The following CGRRF1 variants were observed in gnomAD, a reference collection of about 807,000 sequenced individuals.
CGRRF1 encodes cell growth regulator with ring finger domain 1, also known as cell growth regulator with RING finger domain protein 1.
In CGRRF1, 32 loss-of-function variants were observed where a neutral mutation model predicts 37.2. That is an observed-to-expected ratio of 0.86 (90% CI 0.65 to 1.16). The LOEUF (loss-of-function observed/expected upper bound fraction) is 1.16. Among genes scored for constraint, CGRRF1 ranks in the 50% most tolerant of loss-of-function variants. The pLI is 0.00. For missense variants in CGRRF1, 391 were observed against 382.6 expected, an observed-to-expected ratio of 1.02 and a Z score of -0.18; for synonymous variants, 141 against 140.3, an observed-to-expected ratio of 1.00 and a Z score of -0.04.
In CGRRF1 at chr14:54,530,098, C is replaced by G; in HGVS notation, c.294C>G (p.Cys98Trp). 3 of 1,613,520 alleles carry G rather than the reference C, an allele frequency of 1.9e-6. No homozygotes were observed. The highest frequency in any genetic ancestry group is 1.7e-6 in the Non-Finnish European group (2 of 1,179,564). Residue 98 changes from cysteine (C) to tryptophan (W), a missense_variant, in exon 3 of 6, where the codon TGC becomes TGG. Transcript: ENST00000216420. Reference sequence around the variant, plus strand: ...GCCTTGAAGATAGCCTCCTTACATGCTACTGGGGGTGCAGTGTTCAAAAAT... The same window carrying G: ...GCCTTGAAGATAGCCTCCTTACATGGTACTGGGGGTGCAGTGTTCAAAAAT... Reference protein sequence around the residue: ...TDCLEDSLLTCYWGCSVQKLY... With the variant: ...TDCLEDSLLTWYWGCSVQKLY...
chr14:54,518,928 GTTGTT>G (rs557229779), intron 1 of CGRRF1, among the ~76,000 whole-genome samples: 85 of 152,070 alleles, frequency 5.6e-4, no homozygotes, highest in African/African-American at 1.6e-3. Flanking sequence ...CTAGGTTTTT[GTTGTT>G]TTGTTTTGTT....
intron 4 of CGRRF1, among the ~76,000 whole-genome samples, chr14:54,532,197 G>A (rs2032527486): frequency 1.3e-5 from 2 of 152,090 alleles, no homozygotes; most frequent in East Asian, 1.9e-4. Context: ...TGTACATTGA[G>A]CTTTGGAAGG....
At chr14:54,527,755 C>CTTTT (rs374964366) in intron 2 of CGRRF1, among the ~76,000 whole-genome samples, 1 of 142,346 alleles carries the variant, frequency 7.0e-6, no homozygotes. Flanking sequence ...TTCCATTGTT[C>CTTTT]TTTTTTTTTT....
Position 54,538,262 on chromosome 14 carries a change from G to T in CGRRF1, c.878G>T (p.Cys293Phe). The change falls in exon 6 of 6, where the codon TGC (cysteine) becomes TTC (phenylalanine). Residue 293 changes from cysteine (C) to phenylalanine (F), a missense_variant. Physicochemically the swap from Cys to Phe is radical, Grantham distance 205 (BLOSUM62 -2). Transcript: ENST00000216420. Reference sequence around the variant, plus strand: ...GTACTCTTACCATGCAGACACACATGCCTGTGTGATGGCTGTGTGAAGTAT... The same window carrying T: ...GTACTCTTACCATGCAGACACACATTCCTGTGTGATGGCTGTGTGAAGTAT... ...NWVLLPCRHT[C>F]LCDGCVKYFQ... 1 of 1,614,070 alleles carries T rather than the reference G, an allele frequency of 6.2e-7. No homozygotes were observed. The highest frequency in any genetic ancestry group is 8.5e-7 in the Non-Finnish European group (1 of 1,179,930).
chr14:54,528,247 G>A (rs564606751), intron 2 of CGRRF1, among the ~76,000 whole-genome samples: 1 of 124,802 alleles, frequency 8.0e-6, no homozygotes, highest in Non-Finnish European at 1.6e-5. Flanking sequence ...GAGTCTCACT[G>A]TGTCAGCCAG....
At chr14:54,519,995 T>C (rs1228539407) in intron 1 of CGRRF1, among the ~76,000 whole-genome samples, 2 of 152,256 alleles carry the variant, frequency 1.3e-5, no homozygotes, top group Non-Finnish European at 2.9e-5. Context: ...TGAGTTGTAC[T>C]CTTCACCTGT....
chr14:54,517,396 A>T (rs1459060828), intron 1 of CGRRF1, among the ~76,000 whole-genome samples: 1 of 152,186 alleles, frequency 6.6e-6, no homozygotes, highest in Non-Finnish European at 1.5e-5. Context: ...ACTCTTTTAT[A>T]AAATCAGAGT....
chr14:54,517,036 A>G (rs2032229521), intron 1 of CGRRF1, among the ~76,000 whole-genome samples: 1 of 152,112 alleles, frequency 6.6e-6, no homozygotes, highest in South Asian at 2.1e-4. Context: ...CCTCTATATC[A>G]TATGTGCAGT....
intron 1 of CGRRF1, among the ~76,000 whole-genome samples, chr14:54,519,116 T>A (rs1356339557): frequency 6.6e-6 from 1 of 151,354 alleles, no homozygotes; most frequent in African/African-American, 2.4e-5. Context: ...CTAATTTTTT[T>A]TGTATTTTTA....
At chr14:54,519,305 T>C (rs1374594076) in intron 1 of CGRRF1, among the ~76,000 whole-genome samples, 1 of 151,808 alleles carries the variant, frequency 6.6e-6, no homozygotes, top group African/African-American at 2.4e-5. Flanking sequence ...TGGCACAATC[T>C]CTGCTTACTG....
chr14:54,519,468 G>A (rs983322883), intron 1 of CGRRF1, among the ~76,000 whole-genome samples: 2 of 143,228 alleles, frequency 1.4e-5, no homozygotes, highest in Non-Finnish European at 3.0e-5. Context: ...CCAGACTGGT[G>A]TCGAACTCCT....
intron 1 of CGRRF1, among the ~76,000 whole-genome samples, chr14:54,511,147 A>G (rs2032123809): frequency 6.6e-6 from 1 of 152,236 alleles, no homozygotes; most frequent in South Asian, 2.1e-4. Context: ...TTGGTCACAT[A>G]TATGTGATTG....
intron 1 of CGRRF1, among the ~76,000 whole-genome samples, chr14:54,517,766 C>G (rs1031091979): frequency 1.2e-4 from 19 of 152,292 alleles, no homozygotes; most frequent in Admixed American, 1.1e-3. Context: ...TCTTGATGCT[C>G]TCCCTCCCCC....
At chr14:54,530,461 A>C in intron 3 of CGRRF1, 1 of 932,152 alleles carries the variant, frequency 1.1e-6, no homozygotes, top group Non-Finnish European at 1.6e-6. Context: ...CTTATGGATA[A>C]AGTGTTGCTA....
In CGRRF1 at chr14:54,533,286, T is replaced by G. The variant is rs1345210474; in HGVS notation, c.570+2236T>G. ...CCCTGATCACACTGGATGAAGACTG[T>G]GTGGCCCAGCTGTAGTTGTGGGAGG... On this transcript the variant is annotated intron_variant, in intron 4 of 5. Transcript: ENST00000216420. 1.1e-4 allele frequency among the ~76,000 whole-genome samples: 16 copies of G among 152,122 alleles called. 1 individual carries two copies. Among genetic ancestry groups the G allele is most frequent in the Admixed American group, 1.0e-3 (16 of 15,252 alleles).
Position 54,514,505 on chromosome 14 carries a change from C to T in CGRRF1, c.104+4442C>T, listed in dbSNP as rs377640410. On this transcript the variant is annotated intron_variant, in intron 1 of 5. Coordinates refer to ENST00000216420, the MANE Select transcript of CGRRF1 (RefSeq NM_006568.3). ...TGAAGGTTTGTTACATAGGTAAACT[C>T]GTGTCATGGGTTTGTTGTACAGATT... Among the ~76,000 whole-genome samples the T allele has an allele frequency of 1.4e-4, 22 of 152,244 alleles. No homozygotes were observed. The East Asian group carries it at 1.5e-3, about 11-fold the overall frequency.
intron 2 of CGRRF1, among the ~76,000 whole-genome samples, chr14:54,526,717 T>A (rs988472092): frequency 1.3e-5 from 2 of 152,348 alleles, no homozygotes; most frequent in Non-Finnish European, 2.9e-5. Context: ...TATTTTAGCT[T>A]ATTCACTCTG....
intron 3 of CGRRF1, 31 bp from the exon 4 acceptor site, chr14:54,530,872 A>T: frequency 6.6e-7 from 1 of 1,503,946 alleles, no homozygotes; most frequent in Non-Finnish European, 9.2e-7. Flanking sequence ...TTATGGTTAT[A>T]GTGGCAATTT....
chr14:54,531,255 G>T, intron 4 of CGRRF1: 1 of 492,590 alleles, frequency 2.0e-6, no homozygotes, highest in Non-Finnish European at 3.6e-6. Context: ...ACAGTAATAT[G>T]ACTTTATTTG....
Sources: allele counts gnomAD v4.1 joint callset (sites outside exome capture counted in the v4.1 genomes callset), GRCh38; gene constraint gnomAD v4.1.1; transcripts MANE v1.5; gene names NCBI Gene and HGNC (gene_info 2026-07-23, HGNC 2026-07-21).